Variants in TSPAN12 observed in about 807,000 individuals in gnomAD.
The protein encoded by TSPAN12 is tetraspanin-12.
A neutral mutation model predicts 39.2 loss-of-function variants in TSPAN12; 19 were observed. The ratio of observed to expected loss-of-function variants is 0.49; its 90% CI spans 0.34 to 0.71. The LOEUF (loss-of-function observed/expected upper bound fraction) is 0.71, where lower values mean the gene tolerates loss of function less well. TSPAN12 is among the 30% of genes least tolerant of loss of function. TSPAN12 has a pLI of 0.01. For synonymous variants in TSPAN12, 119 were observed against 124.8 expected, an observed-to-expected ratio of 0.95 and a Z score of 0.31; for missense variants, 314 against 359.9, an observed-to-expected ratio of 0.87 and a Z score of 1.03.
intron 6 of TSPAN12, among the ~76,000 whole-genome samples, chr7:120,807,746 G>A (rs569536533): frequency 2.0e-5 from 3 of 152,030 alleles, no homozygotes; most frequent in East Asian, 3.9e-4. Context: ...AGTATTTTGC[G>A]TTGTTACACT....
chr7:120,842,850 T>TC (rs1562952212), intron 2 of TSPAN12, among the ~76,000 whole-genome samples: 1 of 151,716 alleles, frequency 6.6e-6, no homozygotes, highest in Non-Finnish European at 1.5e-5. Context: ...AATAGTAATA[T>TC]TATATTAATT....
chr7:120,798,598 GCCTCAA>G (rs1478749065), intron 7 of TSPAN12, among the ~76,000 whole-genome samples: 2 of 152,088 alleles, frequency 1.3e-5, no homozygotes, highest in East Asian at 3.9e-4. Context: ...TTATAGTAAT[GCCTCAA>G]ATTTGTGAAT....
At chr7:120,812,651 T>A (rs1392321788) in intron 5 of TSPAN12, among the ~76,000 whole-genome samples, 1 of 152,168 alleles carries the variant, frequency 6.6e-6, no homozygotes, top group Admixed American at 6.6e-5. Flanking sequence ...GGCACACATT[T>A]TTTTCCCCCA....
At chr7:120,851,497 C>T (rs559750662) in intron 2 of TSPAN12, among the ~76,000 whole-genome samples, 14 of 152,104 alleles carry the variant, frequency 9.2e-5, no homozygotes, top group Admixed American at 5.2e-4. Context: ...GAAACAAACA[C>T]ATATTTGATG....
chr7:120,855,626 A>C (rs1456026099), intron 2 of TSPAN12, among the ~76,000 whole-genome samples: 3 of 152,184 alleles, frequency 2.0e-5, no homozygotes, highest in Non-Finnish European at 4.4e-5. Flanking sequence ...TTAATGCTTT[A>C]ATGTTGAGAA....
intron 4 of TSPAN12, among the ~76,000 whole-genome samples, chr7:120,818,265 T>C (rs1014628046): frequency 6.6e-6 from 1 of 152,028 alleles, no homozygotes; most frequent in South Asian, 2.1e-4. Flanking sequence ...GGAAAGGATT[T>C]TGGATTTTAT....
At position 120,806,773 on chromosome 7, in the gene TSPAN12, A is replaced by G. The variant is rs370279775; in HGVS notation, c.469-81T>C. On this transcript the variant is annotated intron_variant, in intron 6 of 7. Coordinates refer to ENST00000222747, the MANE Select transcript of TSPAN12 (RefSeq NM_012338.4). ...ATAGGAGATTAAACATCAGTTTTTT[A>G]AAATTTTTGTACCCAGAGCTATATC... 2.1e-5 allele frequency: 33 copies of G among 1,567,136 alleles called. No homozygotes were observed. The Middle Eastern group carries it at 1.0e-3, about 48-fold the overall frequency.
At chr7:120,822,191 G>A (rs913223494) in intron 4 of TSPAN12, among the ~76,000 whole-genome samples, 16 of 152,008 alleles carry the variant, frequency 1.1e-4, no homozygotes, top group East Asian at 1.9e-4. Context: ...GCATCCCCTC[G>A]TAGAAACAAA....
At chr7:120,806,186 C>G (rs1431894649) in intron 7 of TSPAN12, among the ~76,000 whole-genome samples, 1 of 151,894 alleles carries the variant, frequency 6.6e-6, no homozygotes, top group African/African-American at 2.4e-5. Context: ...TCTTAAAATA[C>G]GTATTCTGTC....
chr7:120,791,442 T>G (rs1793521310), intron 7 of TSPAN12, among the ~76,000 whole-genome samples: 1 of 152,176 alleles, frequency 6.6e-6, no homozygotes, highest in Non-Finnish European at 1.5e-5. Context: ...TAACAATGTA[T>G]TAGTTATTCA....
chr7:120,795,987 T>C (rs1584921987), intron 7 of TSPAN12, among the ~76,000 whole-genome samples: 1 of 152,260 alleles, frequency 6.6e-6, no homozygotes, highest in East Asian at 1.9e-4. Context: ...ATATCTCATT[T>C]AACCCTCGCA....
intron 2 of TSPAN12, among the ~76,000 whole-genome samples, chr7:120,856,391 T>C (rs1269320067): frequency 3.3e-5 from 5 of 152,148 alleles, no homozygotes; most frequent in Admixed American, 6.5e-5. Context: ...GTTCCCTAAG[T>C]AGTATGTCAT....
chr7:120,823,285 T>C (rs1794223068), intron 4 of TSPAN12, among the ~76,000 whole-genome samples: 1 of 150,964 alleles, frequency 6.6e-6, no homozygotes, highest in Admixed American at 6.7e-5. Flanking sequence ...GGAGCAGGTC[T>C]AGAATGTTCT....
chr7:120,849,905 A>C (rs1168569058), intron 2 of TSPAN12, among the ~76,000 whole-genome samples: 3 of 152,148 alleles, frequency 2.0e-5, no homozygotes, highest in African/African-American at 7.2e-5. Context: ...CTATTTGTTA[A>C]AATGTAAAAG....
At chr7:120,804,560 A>T (rs1793833199) in intron 7 of TSPAN12, among the ~76,000 whole-genome samples, 1 of 152,194 alleles carries the variant, frequency 6.6e-6, no homozygotes, top group African/African-American at 2.4e-5. Flanking sequence ...ATCCAAACAT[A>T]ATGCTTCTCA....
At chr7:120,826,270 T>C (rs1794284419) in intron 4 of TSPAN12, among the ~76,000 whole-genome samples, 2 of 152,202 alleles carry the variant, frequency 1.3e-5, no homozygotes, top group East Asian at 1.9e-4. Context: ...AAATGTGTTA[T>C]GCCAGGATGT....
intron 4 of TSPAN12, among the ~76,000 whole-genome samples, chr7:120,818,335 T>C (rs1039650715): frequency 8.6e-5 from 13 of 152,032 alleles, no homozygotes; most frequent in African/African-American, 2.2e-4. Flanking sequence ...TATAAAAACA[T>C]AATTCTGGCA....
intron 7 of TSPAN12, among the ~76,000 whole-genome samples, chr7:120,792,853 A>C (rs1382527546): frequency 2.0e-5 from 3 of 152,244 alleles, no homozygotes; most frequent in African/African-American, 7.2e-5. Flanking sequence ...AAAAACAGTT[A>C]TAAGACATGC....
rs1793448836 is a variant in TSPAN12 at position 120,788,337 on chromosome 7, TAA to T, written c.*253_*254del. 18 of 501,252 alleles carry T rather than the reference TAA, an allele frequency of 3.6e-5. No individual in the cohort carries two copies. In the South Asian group the frequency reaches 3.8e-4, roughly 11 times the overall value. 31.1% of individuals were successfully genotyped at this position (501,252 alleles called of 1,614,324 possible). A position where few individuals can be genotyped will look rare whatever the true frequency, so the allele number is the denominator to read the frequency against. On this transcript the variant is annotated 3_prime_UTR_variant, in exon 8 of 8. Transcript: ENST00000222747. ...TGCCTCAAAACATAACTGTGTTCAGTAAAAGTCATACACAGGCTACACAGTGG... is the reference window on the plus strand; with the variant it reads ...TGCCTCAAAACATAACTGTGTTCAGTAAGTCATACACAGGCTACACAGTGG...
Sources: allele counts gnomAD v4.1 joint callset (sites outside exome capture counted in the v4.1 genomes callset), GRCh38; gene constraint gnomAD v4.1.1; transcripts MANE v1.5; gene names NCBI Gene and HGNC (gene_info 2026-07-23, HGNC 2026-07-21).